Variants in SOS1 observed in about 807,000 individuals in gnomAD.
SOS1 encodes the protein SOS Ras/Rac guanine nucleotide exchange factor 1.
A neutral mutation model predicts 157.6 loss-of-function variants in SOS1; 25 were observed. That is an observed-to-expected ratio of 0.16 (90% confidence interval 0.12 to 0.22). The LOEUF (loss-of-function observed/expected upper bound fraction) is 0.22, where lower values mean the gene tolerates loss of function less well. Ranked by LOEUF, SOS1 falls within the 10% of genes least tolerant of loss-of-function variation. The probability of loss-of-function intolerance (pLI) is 1.00; values close to 1 mark genes in which losing one functional copy is unlikely to be tolerated. For missense variants in SOS1, 1,237 were observed against 1,599.1 expected (o/e 0.77, Z 3.86); for synonymous variants, 528 against 534.0 (o/e 0.99, Z 0.16).
At chr2:38,997,928 C>T (rs1201610058) in intron 17 of SOS1, among the ~76,000 whole-genome samples, 2 of 152,142 alleles carry the variant, frequency 1.3e-5, no homozygotes, top group East Asian at 3.8e-4. Context: ...GCTTAGTCAG[C>T]TCTGACGGCC....
chr2:39,098,678 A>C (rs1269085019), intron 1 of SOS1, among the ~76,000 whole-genome samples: 2 of 152,192 alleles, frequency 1.3e-5, no homozygotes, highest in East Asian at 3.9e-4. Context: ...TCACGAAGTT[A>C]GGAGATCAAG....
chr2:38,987,922 A>C (rs1325433849), intron 21 of SOS1, among the ~76,000 whole-genome samples: 2 of 152,176 alleles, frequency 1.3e-5, no homozygotes, highest in Non-Finnish European at 2.9e-5. Flanking sequence ...GCTACTGAAA[A>C]TCTTTGGAAT....
chr2:39,053,745 G>C (rs1050110592), intron 5 of SOS1, among the ~76,000 whole-genome samples: 1 of 151,956 alleles, frequency 6.6e-6, no homozygotes, highest in African/African-American at 2.4e-5. Flanking sequence ...GACCCAATTA[G>C]GTTAGTTTGA....
chr2:39,086,866 G>C (rs962834203), intron 1 of SOS1, among the ~76,000 whole-genome samples: 4 of 152,022 alleles, frequency 2.6e-5, no homozygotes, highest in Non-Finnish European at 4.4e-5. Context: ...AGGCTGGAGT[G>C]CAGTGGCATG....
rs145085693 is a variant in SOS1, at chr2:39,089,106, G to C, written c.88-21353C>G. Among the ~76,000 whole-genome samples the C allele has an allele frequency of 8.2e-3, 1,243 of 152,228 alleles. 7 individuals are homozygous for C. The highest frequency in any genetic ancestry group is 0.014 in the Middle Eastern group (4 of 294). ...TACAAAACAAAACAAAACACCTCTC[G>C]TGATACTGACAGAGTGGCCAGTTAA... On this transcript the variant is annotated intron_variant, in intron 1 of 22. Coordinates refer to ENST00000402219, the MANE Select transcript of SOS1 (RefSeq NM_005633.4).
rs558841389 is a variant in SOS1 at position 39,055,211 on chromosome 2, C to T, written c.511-388G>A. ...ATTTAAATGTTTATAGCTGTCTATT[C>T]GGCCGATTTTCCTACATTTGTTGGG... is the stretch of plus-strand genomic sequence containing the variant. On this transcript the variant is annotated intron_variant, in intron 4 of 22. Coordinates refer to ENST00000402219, the MANE Select transcript of SOS1 (RefSeq NM_005633.4). Among the ~76,000 whole-genome samples, 31 of 152,208 alleles carry T rather than the reference C, an allele frequency of 2.0e-4. No homozygotes were observed. In the South Asian group the frequency reaches 3.5e-3, roughly 17 times the overall value.
intron 1 of SOS1, among the ~76,000 whole-genome samples, chr2:39,083,376 G>GT (rs1161131714): frequency 2.0e-5 from 3 of 152,222 alleles, no homozygotes; most frequent in Non-Finnish European, 4.4e-5. Context: ...TATTCTTAAG[G>GT]AAGTCAGGAG....
intron 1 of SOS1, among the ~76,000 whole-genome samples, chr2:39,096,299 A>T (rs1231597963): frequency 6.6e-6 from 1 of 152,166 alleles, no homozygotes; most frequent in Non-Finnish European, 1.5e-5. Context: ...CTAGGAAACA[A>T]CCTGTTCATT....
rs564052710 is a variant in SOS1, at chr2:39,002,789, G to A, written c.2791+3623C>T. 5.9e-5 allele frequency among the ~76,000 whole-genome samples: 9 copies of A among 152,210 alleles called. No individual in the cohort carries two copies. The East Asian group carries it at 1.7e-3, about 29-fold the overall frequency. On this transcript the variant is annotated intron_variant, in intron 17 of 22. Coordinates refer to ENST00000402219, the MANE Select transcript of SOS1 (RefSeq NM_005633.4). ...TCAAGAATGTAGAGGGTCAGGCTGG[G>A]TACGGTGGCTCACACCTGTAATCCT...
At chr2:39,076,650 T>A (rs1221885898) in intron 1 of SOS1, among the ~76,000 whole-genome samples, 1 of 152,062 alleles carries the variant, frequency 6.6e-6, no homozygotes, top group South Asian at 2.1e-4. Flanking sequence ...CTAAACTTGA[T>A]AAAGGATATA....
At position 39,007,147 on chromosome 2, in the gene SOS1, T is replaced by A. The variant is rs1669306679; in HGVS notation, c.2557A>T (p.Ser853Cys). 1 of 1,605,730 alleles carries A rather than the reference T, an allele frequency of 6.2e-7. No homozygotes were observed. The highest frequency in any genetic ancestry group is 8.5e-7 in the Non-Finnish European group (1 of 1,172,596). ...ENLEERVAVV[S>C]RIIEILQVFQ... is the part of the protein sequence containing the mutation. ...ACTTGTAGAATCTCAATAATTCGAC[T>A]CACCACAGCTACTCTTTCTTCTAAA... The change falls in exon 16 of 23, where the codon AGT (serine) becomes TGT (cysteine). Residue 853 changes from serine (S) to cysteine (C), a missense_variant. This residue lies in a region of SOS1 where 105 missense variants were observed against 236.0 expected (regional missense o/e 0.44). Transcript: ENST00000402219.
chr2:38,997,178 TA>T, intron 18 of SOS1, 74 bp downstream of exon 18: 1 of 1,274,162 alleles, frequency 7.8e-7, no homozygotes. Context: ...TTCTCCCCTA[TA>T]AAATAAACCT....
chr2:39,069,291 G>C lies in SOS1; in HGVS notation c.88-1538C>G, dbSNP rs1671712126. ...TCCAGAGGCTGAGGTGACGTGGAAGGATCGCTTAAACCCAGGATGCCAGGG... is the reference window on the plus strand; with the variant it reads ...TCCAGAGGCTGAGGTGACGTGGAAGCATCGCTTAAACCCAGGATGCCAGGG... On this transcript the variant is annotated intron_variant, in intron 1 of 22. Coordinates refer to ENST00000402219, the MANE Select transcript of SOS1 (RefSeq NM_005633.4). Among the ~76,000 whole-genome samples, 4 of 146,704 alleles carry C rather than the reference G, an allele frequency of 2.7e-5. No homozygotes were observed. In the South Asian group the frequency reaches 8.6e-4, roughly 32 times the overall value.
Position 39,022,614 on chromosome 2 carries a change from G to A in SOS1, c.1814C>T (p.Thr605Ile). Residue 605 changes from threonine to isoleucine, a missense_variant, in exon 10 of 23, where the codon ACT becomes ATT. Physicochemically the swap from Thr to Ile is moderately conservative, Grantham distance 89. Transcript: ENST00000402219. Reference protein sequence around the residue: ...KAGIPIIKAGTVIKLIERLTY... With the variant: ...KAGIPIIKAGIVIKLIERLTY... ...AAGCCTCTCTATAAGTTTAATAACA[G>A]TTCCTGCTTTGATAATTGGAATTCC... 1 of 1,613,298 alleles carries A rather than the reference G, an allele frequency of 6.2e-7. No homozygotes were observed. Among genetic ancestry groups the A allele is most frequent in the Non-Finnish European group, 8.5e-7 (1 of 1,179,350 alleles).
chr2:39,121,025 A>G lies in SOS1; in HGVS notation c.-603T>C, dbSNP rs906838790. On this transcript the variant is annotated 5_prime_UTR_variant, in exon 1 of 23. Coordinates refer to ENST00000402219, the MANE Select transcript of SOS1 (RefSeq NM_005633.4). ...CGCCGGTGTAGCGCTGGAGCTTCCT[A>G]CTAGCGAACTGAACCTGCTCGCTAC... 5 of 167,548 alleles carry G rather than the reference A, an allele frequency of 3.0e-5. No homozygotes were observed. In the South Asian group the frequency reaches 7.2e-4, roughly 24 times the overall value. The allele number at this position is 167,548 out of a possible 1,614,324, so 10.4% of individuals were successfully genotyped here.
At chr2:39,124,357 C>G (rs1037322652), upstream of SOS1, 8 of 152,412 alleles carry the variant, frequency 5.2e-5, no homozygotes, top group African/African-American at 1.9e-4. Context: ...TCGCTTCCCT[C>G]CTCAGCTCTA....
intron 15 of SOS1, among the ~76,000 whole-genome samples, chr2:39,008,051 C>T (rs905135759): frequency 6.6e-6 from 1 of 152,172 alleles, no homozygotes; most frequent in Non-Finnish European, 1.5e-5. Context: ...ACACCTAGCT[C>T]CCGGTGAGGT....
intron 1 of SOS1, among the ~76,000 whole-genome samples, chr2:39,091,727 G>A (rs889709619): frequency 1.3e-5 from 2 of 152,148 alleles, no homozygotes; most frequent in African/African-American, 2.4e-5. Context: ...TCCACCCAGG[G>A]CTGTCATGGT....
intron 1 of SOS1, among the ~76,000 whole-genome samples, chr2:39,104,665 T>G (rs1673098686): frequency 6.6e-6 from 1 of 152,220 alleles, no homozygotes; most frequent in Non-Finnish European, 1.5e-5. Context: ...TATGCCAATG[T>G]TCACTGCAGT....
Sources: gnomAD v4.1 joint callset for allele counts (sites outside exome capture counted in the v4.1 genomes callset) on GRCh38, gnomAD v4.1.1 for gene constraint, gnomAD v4.1.1 regional missense constraint, MANE v1.5 for transcripts, NCBI Gene and HGNC (gene_info 2026-07-23, HGNC 2026-07-21) for gene names.